The following RAB27A variants were observed in gnomAD, a reference collection of about 807,000 sequenced individuals.
RAB27A encodes the protein ras-related protein Rab-27A.
In RAB27A, 17 loss-of-function variants were observed where a neutral mutation model predicts 20.8. The observed-to-expected ratio is 0.82, with a 90% CI of 0.56 to 1.23. The LOEUF is 1.23. Ranked by LOEUF, RAB27A falls within the 50% of genes most tolerant of loss-of-function variation. The pLI, the probability that RAB27A is intolerant of heterozygous loss-of-function variation, is 0.00. For missense variants in RAB27A, 277 were observed against 266.7 expected, an observed-to-expected ratio of 1.04 and a Z score of -0.27; for synonymous variants, 85 against 92.8, an observed-to-expected ratio of 0.92 and a Z score of 0.48.
At chr15:55,210,034 G>A (rs1391554262) in intron 6 of RAB27A, among the ~76,000 whole-genome samples, 1 of 142,174 alleles carries the variant, frequency 7.0e-6, no homozygotes, top group African/African-American at 2.6e-5. Flanking sequence ...ATATATATGT[G>A]TGTGTACATG....
At chr15:55,216,066 G>A (rs944038084) in intron 6 of RAB27A, among the ~76,000 whole-genome samples, 7 of 151,288 alleles carry the variant, frequency 4.6e-5, no homozygotes, top group Middle Eastern at 3.4e-3. Flanking sequence ...CTGTGCCTCC[G>A]CTGCTTCATC....
intron 6 of RAB27A, among the ~76,000 whole-genome samples, chr15:55,209,923 C>CATATGTGTGTATATCCGTATATAT (rs1566896471): frequency 1.2e-5 from 1 of 82,542 alleles, no homozygotes; most frequent in African/African-American, 8.5e-5. Flanking sequence ...TGTATATACA[C>CATATGTGTGTATATCCGTATATAT]ACATATATGT....
chr15:55,219,974 C>T (rs1895487955), intron 6 of RAB27A, among the ~76,000 whole-genome samples: 1 of 151,356 alleles, frequency 6.6e-6, no homozygotes, highest in South Asian at 2.1e-4. Flanking sequence ...AAAAAAAAAA[C>T]ATGGAAAATT....
At chr15:55,298,451 G>A (rs2054958889) in intron 2 of RAB27A, among the ~76,000 whole-genome samples, 1 of 152,174 alleles carries the variant, frequency 6.6e-6, no homozygotes, top group Non-Finnish European at 1.5e-5. Context: ...GGGAGGGAGT[G>A]TGTGAATAGG....
intron 1 of RAB27A, among the ~76,000 whole-genome samples, chr15:55,276,654 G>A (rs1325669059): frequency 6.6e-6 from 1 of 152,304 alleles, no homozygotes; most frequent in Non-Finnish European, 1.5e-5. Flanking sequence ...GGACTGGGAG[G>A]AGGGGGAAAT....
intron 2 of RAB27A, chr15:55,249,032 G>A (rs1391785650): frequency 6.6e-6 from 1 of 152,134 alleles, no homozygotes; most frequent in African/African-American, 2.4e-5. Context: ...TCAGTATGCA[G>A]AGTCTCAGAA....
chr15:55,308,061 C>T (rs1264584176), intron 2 of RAB27A, among the ~76,000 whole-genome samples: 1 of 152,180 alleles, frequency 6.6e-6, no homozygotes, highest in Non-Finnish European at 1.5e-5. Context: ...CTTCTGAGTA[C>T]TGGGGCTTGG....
chr15:55,282,640 A>G (rs941532019), intron 1 of RAB27A, among the ~76,000 whole-genome samples: 1 of 152,148 alleles, frequency 6.6e-6, no homozygotes, highest in African/African-American at 2.4e-5. Context: ...CTTATCGTGC[A>G]AAGACTGAGA....
chr15:55,298,393 C>T (rs1423725087), intron 2 of RAB27A, among the ~76,000 whole-genome samples: 2 of 151,964 alleles, frequency 1.3e-5, no homozygotes, highest in Non-Finnish European at 2.9e-5. Context: ...TCCGTGATGC[C>T]CCACGAGCTG....
At chr15:55,303,496 G>A (rs1595755841) in intron 2 of RAB27A, among the ~76,000 whole-genome samples, 2 of 44,102 alleles carry the variant, frequency 4.5e-5, no homozygotes, top group South Asian at 1.1e-3. Flanking sequence ...GCCTCTGCCC[G>A]GCCGCCCCTA....
chr15:55,281,842 A>G (rs563062946), intron 1 of RAB27A, among the ~76,000 whole-genome samples: 1 of 152,276 alleles, frequency 6.6e-6, no homozygotes, highest in African/African-American at 2.4e-5. Flanking sequence ...TACCTATTAC[A>G]ATGAAAGCAA....
intron 6 of RAB27A, 148 bp downstream of exon 6, chr15:55,223,741 T>C (rs1414391635): frequency 1.1e-6 from 1 of 908,898 alleles, no homozygotes. Flanking sequence ...TACTATCATA[T>C]CATATAAAAA....
intron 6 of RAB27A, among the ~76,000 whole-genome samples, chr15:55,209,022 T>C (rs1486082112): frequency 1.3e-5 from 2 of 152,210 alleles, no homozygotes; most frequent in African/African-American, 4.8e-5. Context: ...TTATTTTTTA[T>C]TTATGCATAA....
At chr15:55,290,614 T>A (rs1044499103), upstream of RAB27A, among the ~76,000 whole-genome samples, 1 of 152,202 alleles carries the variant, frequency 6.6e-6, no homozygotes, top group African/African-American at 2.4e-5. Flanking sequence ...CCTGCGCGCC[T>A]TTGCTGCCAC....
intron 2 of RAB27A, among the ~76,000 whole-genome samples, chr15:55,308,142 G>A (rs985922571): frequency 2.4e-4 from 36 of 152,122 alleles, no homozygotes; most frequent in African/African-American, 7.0e-4. Context: ...CCTGCCTTGC[G>A]GCTCTTTTGG....
At chr15:55,241,300 G>A (rs1029910321) in intron 2 of RAB27A, among the ~76,000 whole-genome samples, 43 of 152,034 alleles carry the variant, frequency 2.8e-4, no homozygotes, top group Non-Finnish European at 4.4e-4. Context: ...ACCTTAATTT[G>A]GGATATGCAA....
At chr15:55,282,641 A>T (rs1426163600) in intron 1 of RAB27A, among the ~76,000 whole-genome samples, 1 of 152,132 alleles carries the variant, frequency 6.6e-6, no homozygotes, top group African/African-American at 2.4e-5. Context: ...TTATCGTGCA[A>T]AGACTGAGAA....
At chr15:55,262,233 T>C (rs940807440) in intron 2 of RAB27A, among the ~76,000 whole-genome samples, 34 of 152,036 alleles carry the variant, frequency 2.2e-4, no homozygotes, top group East Asian at 2.0e-4. Flanking sequence ...TTTCTAATCT[T>C]ACCTTTTAGT....
chr15:55,294,209 A>T (rs1291149966), upstream of RAB27A, among the ~76,000 whole-genome samples: 1 of 152,208 alleles, frequency 6.6e-6, no homozygotes, highest in Non-Finnish European at 1.5e-5. Flanking sequence ...AAATAAAATT[A>T]TGCATCTATA....
Sources: allele counts gnomAD v4.1 joint callset (sites outside exome capture counted in the v4.1 genomes callset), GRCh38; gene constraint gnomAD v4.1.1; transcripts MANE v1.5; gene names NCBI Gene and HGNC (gene_info 2026-07-23, HGNC 2026-07-21).